Variants in LHFPL6 observed in about 807,000 individuals in gnomAD.
LHFPL6 encodes the protein LHFPL tetraspan subfamily member 6.
In LHFPL6, 9 loss-of-function variants were observed where a neutral mutation model predicts 20.6. The ratio of observed to expected loss-of-function variants is 0.44; its 90% CI spans 0.26 to 0.76. The LOEUF is 0.76. Among genes scored for constraint, LHFPL6 ranks in the 30% least tolerant of loss-of-function variants. LHFPL6 has a pLI of 0.20. For synonymous variants in LHFPL6, 105 were observed against 98.7 expected, an observed-to-expected ratio of 1.06 and a Z score of -0.38; for missense variants, 218 against 253.5, an observed-to-expected ratio of 0.86 and a Z score of 0.95.
chr13:39,453,324 AG>A (rs1872496809), intron 2 of LHFPL6, among the ~76,000 whole-genome samples: 1 of 152,262 alleles, frequency 6.6e-6, no homozygotes, highest in African/African-American at 2.4e-5. Context: ...AGGTAGCATC[AG>A]GCAAATTAAG....
chr13:39,518,893 G>A (rs568652001), intron 2 of LHFPL6, among the ~76,000 whole-genome samples: 1 of 152,358 alleles, frequency 6.6e-6, no homozygotes, highest in Admixed American at 6.5e-5. Context: ...ACACGTCGAA[G>A]TGAGAATGAG....
intron 2 of LHFPL6, among the ~76,000 whole-genome samples, chr13:39,460,589 T>C (rs943568): frequency 0.51 from 77,780 of 152,100 alleles, 20,458 homozygotes; most frequent in East Asian, 0.9. Flanking sequence ...CATGTGTGCA[T>C]ACTTAATAAA....
intron 2 of LHFPL6, among the ~76,000 whole-genome samples, chr13:39,448,498 G>T (rs1483625265): frequency 2.0e-5 from 3 of 152,144 alleles, no homozygotes; most frequent in African/African-American, 7.2e-5. Context: ...GCAGACATTA[G>T]GCACAAGAGA....
chr13:39,504,770 T>G (rs544935425), intron 2 of LHFPL6, among the ~76,000 whole-genome samples: 20 of 152,224 alleles, frequency 1.3e-4, no homozygotes, highest in Non-Finnish European at 2.5e-4. Flanking sequence ...CACATGAAAC[T>G]GGGGAGGAAA....
At chr13:39,437,085 C>T (rs1871977469) in intron 2 of LHFPL6, among the ~76,000 whole-genome samples, 1 of 152,170 alleles carries the variant, frequency 6.6e-6, no homozygotes, top group Non-Finnish European at 1.5e-5. Context: ...ATGGTAAGTG[C>T]TCAAAACATG....
At chr13:39,520,834 C>T (rs1395825770) in intron 2 of LHFPL6, among the ~76,000 whole-genome samples, 1 of 152,164 alleles carries the variant, frequency 6.6e-6, no homozygotes. Flanking sequence ...TGGATCCCCT[C>T]CCCATTTAAT....
intron 2 of LHFPL6, among the ~76,000 whole-genome samples, chr13:39,551,518 T>G (rs1224923698): frequency 6.6e-6 from 1 of 152,192 alleles, no homozygotes; most frequent in African/African-American, 2.4e-5. Context: ...AATTTTGAAA[T>G]CAGGTAGTAT....
intron 2 of LHFPL6, among the ~76,000 whole-genome samples, chr13:39,464,759 C>A (rs902153106): frequency 1.4e-5 from 2 of 142,286 alleles, no homozygotes; most frequent in African/African-American, 5.2e-5. Context: ...TATTTGGTTA[C>A]TATAGAAATA....
chr13:39,536,622 A>T (rs1870627247), intron 2 of LHFPL6, among the ~76,000 whole-genome samples: 1 of 152,060 alleles, frequency 6.6e-6, no homozygotes, highest in Non-Finnish European at 1.5e-5. Context: ...CTCCTTCCAC[A>T]GGTCTCAGAC....
intron 2 of LHFPL6, among the ~76,000 whole-genome samples, chr13:39,530,272 A>G (rs1870424157): frequency 6.6e-6 from 1 of 151,962 alleles, no homozygotes; most frequent in South Asian, 2.1e-4. Context: ...GTATTAAAAA[A>G]AAAAAGAAAA....
chr13:39,402,132 T>G (rs1871008592), intron 2 of LHFPL6, among the ~76,000 whole-genome samples: 1 of 152,200 alleles, frequency 6.6e-6, no homozygotes, highest in Non-Finnish European at 1.5e-5. Flanking sequence ...TTGAACTGAT[T>G]ACAGGTTAGA....
At chr13:39,423,422 C>A (rs909125874) in intron 2 of LHFPL6, among the ~76,000 whole-genome samples, 1 of 146,728 alleles carries the variant, frequency 6.8e-6, no homozygotes, top group African/African-American at 2.5e-5. Context: ...AGAAAGGCTT[C>A]TTTTTTTTTT....
At chr13:39,493,043 T>C (rs1868981777) in intron 2 of LHFPL6, among the ~76,000 whole-genome samples, 1 of 152,104 alleles carries the variant, frequency 6.6e-6, no homozygotes, top group Non-Finnish European at 1.5e-5. Context: ...TATGCCCTAA[T>C]TTCTATAACC....
intron 2 of LHFPL6, among the ~76,000 whole-genome samples, chr13:39,419,160 A>G (rs1871420617): frequency 6.6e-6 from 1 of 152,216 alleles, no homozygotes; most frequent in Non-Finnish European, 1.5e-5. Flanking sequence ...AAAACCCAGA[A>G]CAGGCTGCAC....
chr13:39,445,262 C>T (rs546246815), intron 2 of LHFPL6, among the ~76,000 whole-genome samples: 4 of 152,318 alleles, frequency 2.6e-5, no homozygotes, highest in African/African-American at 9.6e-5. Flanking sequence ...GTCCCTTTAC[C>T]TTGATAACTT....
At chr13:39,459,211 TG>T (rs1872637915) in intron 2 of LHFPL6, among the ~76,000 whole-genome samples, 1 of 127,674 alleles carries the variant, frequency 7.8e-6, no homozygotes, top group Non-Finnish European at 1.6e-5. Flanking sequence ...TGTGTGTGTG[TG>T]TGTGTGTGTG....
intron 3 of LHFPL6, among the ~76,000 whole-genome samples, chr13:39,365,579 C>T (rs1268596888): frequency 1.3e-5 from 2 of 152,136 alleles, no homozygotes; most frequent in African/African-American, 2.4e-5. Context: ...CTTCCACAAT[C>T]TCATTTCCAA....
rs35061491 is a variant in LHFPL6, at chr13:39,562,673, CATAT to C, written c.385+38155_385+38158del. 2.0e-3 allele frequency among the ~76,000 whole-genome samples: 285 copies of C among 142,526 alleles called. 1 individual carries two copies. The highest frequency in any genetic ancestry group is 7.0e-3 in the African/African-American group (271 of 38,916). 93.5% of individuals were successfully genotyped at this position (142,526 alleles called of 152,430 possible). ...ACACACATATACACATATATACACA[CATAT>C]ATACACACACACACACACATATATA... On this transcript the variant is annotated intron_variant, in intron 2 of 3. Transcript: ENST00000379589.
chr13:39,434,691 C>T (rs1871907073), intron 2 of LHFPL6, among the ~76,000 whole-genome samples: 1 of 152,144 alleles, frequency 6.6e-6, no homozygotes, highest in African/African-American at 2.4e-5. Flanking sequence ...TGTACTACTC[C>T]TGGCCATGTA....
Sources: allele counts gnomAD v4.1 joint callset (sites outside exome capture counted in the v4.1 genomes callset), GRCh38; gene constraint gnomAD v4.1.1; transcripts MANE v1.5; gene names NCBI Gene and HGNC (gene_info 2026-07-23, HGNC 2026-07-21).